The following SYT7 variants were observed in gnomAD, a reference collection of about 807,000 sequenced individuals.
SYT7 encodes synaptotagmin 7.
In SYT7, 29 loss-of-function variants were observed where a neutral mutation model predicts 75.1. The ratio of observed to expected loss-of-function variants is 0.39; its 90% CI spans 0.29 to 0.53. The LOEUF is 0.53. Among genes scored for constraint, SYT7 ranks in the 20% least tolerant of loss-of-function variants. The probability of loss-of-function intolerance (pLI) is 0.77; values close to 1 mark genes in which losing one functional copy is unlikely to be tolerated. For missense variants in SYT7, 693 were observed against 953.2 expected, an observed-to-expected ratio of 0.73 and a Z score of 3.59; for synonymous variants, 376 against 401.7, an observed-to-expected ratio of 0.94 and a Z score of 0.76.
chr11:61,568,147 G>A (rs1045839658), intron 1 of SYT7, among the ~76,000 whole-genome samples: 33 of 152,266 alleles, frequency 2.2e-4, no homozygotes, highest in African/African-American at 7.9e-4. Context: ...AAAAAGTGAG[G>A]GGTTGCAGGA....
chr11:61,534,031 C>T (rs1241450788), intron 7 of SYT7, among the ~76,000 whole-genome samples: 20 of 152,116 alleles, frequency 1.3e-4, no homozygotes, highest in Admixed American at 1.3e-3. Context: ...GTGGTGAGCC[C>T]AGGCTCCGTT....
intron 12 of SYT7, among the ~76,000 whole-genome samples, chr11:61,520,414 C>T (rs1165974224): frequency 6.6e-6 from 1 of 151,862 alleles, no homozygotes; most frequent in Non-Finnish European, 1.5e-5. Flanking sequence ...GAGTCCCAGC[C>T]ACTTGGGGAC....
At chr11:61,538,106 C>T in intron 7 of SYT7, 38 bp downstream of exon 7, 1 of 1,533,562 alleles carries the variant, frequency 6.5e-7, no homozygotes. Context: ...GCCTCCTTCT[C>T]TGCCGCCGCC....
At chr11:61,554,286 C>CTG (rs1555014157) in intron 2 of SYT7, among the ~76,000 whole-genome samples, 4 of 151,964 alleles carry the variant, frequency 2.6e-5, no homozygotes, top group African/African-American at 9.7e-5. Context: ...TCATCTCTCA[C>CTG]CACACACACC....
At chr11:61,558,405 G>T (rs1242472867) in intron 1 of SYT7, among the ~76,000 whole-genome samples, 3 of 151,894 alleles carry the variant, frequency 2.0e-5, no homozygotes, top group Non-Finnish European at 4.4e-5. Flanking sequence ...GGGGGGCGGA[G>T]GTTTTAGTGA....
At position 61,538,524 on chromosome 11, in the gene SYT7, G is replaced by GGA. The variant is rs1301036469; in HGVS notation, c.942-260_942-259dup. On this transcript the variant is annotated intron_variant, in intron 6 of 12. Transcript: ENST00000539008. ...GGGAGAGTGGAGGCAGGGAGGGAGG[G>GGA]GAGTTGACTACGGCCTGAGACTCCA... 2.6e-5 allele frequency among the ~76,000 whole-genome samples: 4 copies of GGA among 152,268 alleles called. No individual in the cohort carries two copies. The East Asian group carries it at 7.7e-4, about 29-fold the overall frequency.
rs988661493 is a variant in SYT7, at chr11:61,576,935, G to A, written c.31+3855C>T. Among the ~76,000 whole-genome samples, 3 of 152,080 alleles carry A rather than the reference G, an allele frequency of 2.0e-5. No individual in the cohort carries two copies. Among genetic ancestry groups the A allele is most frequent in the African/African-American group, 7.2e-5 (3 of 41,396 alleles). On this transcript the variant is annotated intron_variant, in intron 1 of 12. Coordinates refer to ENST00000539008, the MANE Select transcript of SYT7 (RefSeq NM_001365809.2). The surrounding 1 kb of genome is among the most constrained non-coding windows in gnomAD (Gnocchi z 4.1). ...CCCAGGGCCTGTCTTTGCTCACCCA[G>A]CACCCACCTATTGACCTGCCTTCCA...
chr11:61,516,640 C>T lies in SYT7; in HGVS notation c.*1987G>A, dbSNP rs1590802859. The T allele has an allele frequency of 3.9e-5, 6 of 152,284 alleles. No individual in the cohort carries two copies. Among genetic ancestry groups the T allele is most frequent in the African/African-American group, 1.4e-4 (6 of 41,566 alleles). 9.4% of individuals were successfully genotyped at this position (152,284 alleles called of 1,614,324 possible). ...CGTCCACGAGGCCTCGGGGTCGCTG[C>T]CCTCCCGTCCCGGCTGGGGGCCGCT... On this transcript the variant is annotated 3_prime_UTR_variant, in exon 13 of 13. Transcript: ENST00000539008. The surrounding 1 kb of genome is among the most constrained non-coding windows in gnomAD (Gnocchi z 4.6).
intron 1 of SYT7, among the ~76,000 whole-genome samples, chr11:61,571,509 C>T (rs538450718): frequency 3.2e-4 from 48 of 152,356 alleles, no homozygotes; most frequent in Non-Finnish European, 5.9e-4. Context: ...GTGGCAGTGA[C>T]GTGGGCCACC....
At chr11:61,567,758 C>T (rs908361752) in intron 1 of SYT7, among the ~76,000 whole-genome samples, 68 of 152,342 alleles carry the variant, frequency 4.5e-4, no homozygotes, top group African/African-American at 1.5e-3. Flanking sequence ...TCCCCAGCGG[C>T]GGCCTGGGCC....
Position 61,524,395 on chromosome 11 carries a change from A to G in SYT7, c.1609T>C (p.Trp537Arg), listed in dbSNP as rs2062447072. ...TCGCTGCATGGCTTCAGATCCTTCC[A>G]GAAGGTCTGCATCTGGGTCAGGTCC... Reference protein sequence around the residue: ...KVDLTQMQTFWKDLKPCSDGS... With the variant: ...KVDLTQMQTFRKDLKPCSDGS... The change falls in exon 10 of 13, where the codon TGG becomes CGG. Residue 537 changes from tryptophan (W) to arginine (R), a missense_variant. Trp to Arg is a moderately radical substitution (Grantham distance 101). Around this residue, in one of 2 missense-constraint regions of SYT7, gnomAD observed 206 missense variants for 360.0 expected, o/e 0.57. Coordinates refer to ENST00000539008, the MANE Select transcript of SYT7 (RefSeq NM_001365809.2). This position sits in a 1 kb window ranked among gnomAD's most constrained non-coding sequence, Gnocchi z 4.1. 1 of 1,614,140 alleles carries G rather than the reference A, an allele frequency of 6.2e-7. No individual in the cohort carries two copies. The highest frequency in any genetic ancestry group is 2.2e-5 in the East Asian group (1 of 44,880).
rs1473995132 is a variant in SYT7, at chr11:61,546,034, G to A, written c.569C>T (p.Ser190Phe). 6.5e-7 allele frequency: 1 copy of A among 1,533,264 alleles called. No individual in the cohort carries two copies. Among genetic ancestry groups the A allele is most frequent in the Non-Finnish European group, 8.7e-7 (1 of 1,145,694 alleles). The allele number at this position is 1,533,264 out of a possible 1,614,324, so 95.0% of individuals were successfully genotyped here. ...GCCATGGGGCGCCATCACTCACTTG[G>A]ACAAGTTGAGCTTCCCTGCGGCCAG... ...SHLAAGKLNLSNFEDSTLSTA... is the reference protein window; with the variant it reads ...SHLAAGKLNLFNFEDSTLSTA... Residue 190 changes from serine to phenylalanine, a missense_variant, in exon 5 of 13, where the codon TCC (serine) becomes TTC (phenylalanine). Around this residue, in one of 2 missense-constraint regions of SYT7, gnomAD observed 487 missense variants for 593.2 expected, o/e 0.82. Coordinates refer to ENST00000539008, the MANE Select transcript of SYT7 (RefSeq NM_001365809.2). This position sits in a 1 kb window ranked among gnomAD's most constrained non-coding sequence, Gnocchi z 7.6.
At chr11:61,540,260 G>A (rs2063003009) in intron 6 of SYT7, 1 of 152,450 alleles carries the variant, frequency 6.6e-6, no homozygotes, top group South Asian at 2.1e-4. Context: ...GGGTGGGTGG[G>A]ATCATGGGGC....
intron 1 of SYT7, among the ~76,000 whole-genome samples, chr11:61,562,388 G>A (rs369321389): frequency 1.6e-4 from 24 of 152,220 alleles, no homozygotes; most frequent in African/African-American, 5.8e-4. Flanking sequence ...TGTAAATGAG[G>A]GCTGATAATA....
rs750524510 is a variant in SYT7, at chr11:61,556,197, C to G, written c.42G>C (p.Ser14=). Residue 14 remains serine, a synonymous_variant, in exon 2 of 13, where the codon TCG becomes TCC. Transcript: ENST00000539008. ...TGGCAGAGACCAGCAGGACGTCGCG[C>G]GAGGGCGCCCCTGGGGAGGACAGGT... ...DPEAASPGAP[S]RDVLLVSAII... 1 of 1,613,172 alleles carries G rather than the reference C, an allele frequency of 6.2e-7. No homozygotes were observed. Among genetic ancestry groups the G allele is most frequent in the South Asian group, 1.1e-5 (1 of 90,922 alleles).
In SYT7 at chr11:61,533,067, G is replaced by C. The variant is rs763230993; in HGVS notation, c.1122C>G (p.His374Gln). 1 of 1,612,824 alleles carries C rather than the reference G, an allele frequency of 6.2e-7. No homozygotes were observed. Among genetic ancestry groups the C allele is most frequent in the African/African-American group, 1.3e-5 (1 of 74,916 alleles). The change falls in exon 8 of 13, where the codon CAC becomes CAG. Residue 374 changes from histidine (H) to glutamine (Q), a missense_variant. This residue lies in a region of SYT7 where 487 missense variants were observed against 593.2 expected (regional missense o/e 0.82). Coordinates refer to ENST00000539008, the MANE Select transcript of SYT7 (RefSeq NM_001365809.2). ...GCTCGGTCCGGCGGTCGGACTCATC[G>C]TGGGGTGTCTGGCCTGGCACGGGGG... is the stretch of plus-strand genomic sequence containing the variant. ...NTAPVPGQTP[H>Q]DESDRRTEPR...
In SYT7 at chr11:61,519,737, G is replaced by A. The variant is rs766597533; in HGVS notation, c.1957-1006C>T. Among the ~76,000 whole-genome samples, 6 of 152,310 alleles carry A rather than the reference G, an allele frequency of 3.9e-5. No individual in the cohort carries two copies. The East Asian group carries it at 5.8e-4, about 15-fold the overall frequency. On this transcript the variant is annotated intron_variant, in intron 12 of 12. Transcript: ENST00000539008. ...AGACGCTAACAACTGGGGAGGCTGCGTAAGGGGTAGATGGGAACTCTCTCT... is the reference window on the plus strand; with the variant it reads ...AGACGCTAACAACTGGGGAGGCTGCATAAGGGGTAGATGGGAACTCTCTCT...
At chr11:61,530,321 C>T (rs1157544296) in intron 8 of SYT7, among the ~76,000 whole-genome samples, 1 of 152,210 alleles carries the variant, frequency 6.6e-6, no homozygotes, top group Non-Finnish European at 1.5e-5. Context: ...CTCCAGCCCC[C>T]ACCCCTTGGC....
chr11:61,537,499 G>A (rs965753735), intron 7 of SYT7, among the ~76,000 whole-genome samples: 8 of 152,224 alleles, frequency 5.3e-5, no homozygotes, highest in Non-Finnish European at 1.0e-4. Context: ...CAGTGAAAAG[G>A]AGCCCAACAA....
Sources: allele counts gnomAD v4.1 joint callset (sites outside exome capture counted in the v4.1 genomes callset), GRCh38; gene constraint gnomAD v4.1.1; regional missense constraint gnomAD v4.1.1; non-coding constraint Gnocchi (gnomAD v3.1); transcripts MANE v1.5; gene names NCBI Gene and HGNC (gene_info 2026-07-23, HGNC 2026-07-21).